POLR1A: variants seen among roughly 807,000 people sequenced by gnomAD.
POLR1A encodes RNA polymerase I subunit A.
Under a neutral mutation model 205.3 loss-of-function variants are expected in POLR1A, and 84 were observed. That is an observed-to-expected ratio of 0.41 (90% CI 0.34 to 0.49). The LOEUF (loss-of-function observed/expected upper bound fraction) is 0.49, where lower values mean the gene tolerates loss of function less well. Among genes scored for constraint, POLR1A ranks in the 20% least tolerant of loss-of-function variants. The probability of loss-of-function intolerance (pLI) is 0.22; values close to 1 mark genes in which losing one functional copy is unlikely to be tolerated. For synonymous variants in POLR1A, 799 were observed against 863.7 expected (o/e 0.93, Z 1.31); for missense variants, 1,645 against 2,204.5 (o/e 0.75, Z 5.08).
chr2:86,091,448 A>G (rs1474115311), intron 3 of POLR1A, among the ~76,000 whole-genome samples: 1 of 152,168 alleles, frequency 6.6e-6, no homozygotes, highest in Non-Finnish European at 1.5e-5. Context: ...AAGGTCAATG[A>G]CAGACAAACT....
intron 13 of POLR1A, chr2:86,065,721 T>G: frequency 1.2e-5 from 5 of 409,692 alleles, no homozygotes; most frequent in East Asian, 4.3e-5. Flanking sequence ...ACTCATCCCG[T>G]TCCCCCGGCC....
intron 6 of POLR1A, among the ~76,000 whole-genome samples, chr2:86,088,208 T>C (rs1158571090): frequency 6.6e-6 from 1 of 152,128 alleles, no homozygotes; most frequent in Non-Finnish European, 1.5e-5. Context: ...TTCGCCTACA[T>C]TTTATTCCAA....
chr2:86,094,881 G>A (rs992486357), intron 3 of POLR1A, among the ~76,000 whole-genome samples: 1 of 152,044 alleles, frequency 6.6e-6, no homozygotes, highest in African/African-American at 2.4e-5. Flanking sequence ...TTGGGCTCAA[G>A]CTCCACATGA....
Position 86,028,454 on chromosome 2 carries a change from A to G in POLR1A, c.4897+140T>C, listed in dbSNP as rs935111626. On this transcript the variant is annotated intron_variant, in intron 32 of 33. Transcript: ENST00000263857. This position sits in a 1 kb window ranked among gnomAD's most constrained non-coding sequence, Gnocchi z 4.5. ...TCTGCAGTCTCCTACAGGTGCACTC[A>G]CTGCACGCATGCTGCAGTGCCTGCC... 2.6e-5 allele frequency: 18 copies of G among 700,196 alleles called. No individual in the cohort carries two copies. In the African/African-American group the frequency reaches 3.0e-4, roughly 12 times the overall value. The allele number at this position is 700,196 out of a possible 1,614,324, so 43.4% of individuals were successfully genotyped here. A position where few individuals can be genotyped will look rare whatever the true frequency, so the allele number is the denominator to read the frequency against.
chr2:86,071,228 A>G (rs2577766), intron 12 of POLR1A, among the ~76,000 whole-genome samples: 3,083 of 43,598 alleles, frequency 0.071, 63 homozygotes, highest in East Asian at 0.17. Context: ...CTCCGTGTGC[A>G]TGTGTGTGTG....
chr2:86,053,456 T>C (rs1457340328), intron 15 of POLR1A, among the ~76,000 whole-genome samples: 1 of 152,212 alleles, frequency 6.6e-6, no homozygotes, highest in Non-Finnish European at 1.5e-5. Context: ...CTTCCTCCCT[T>C]GAACCCTGGG....
chr2:86,030,490 T>C, intron 30 of POLR1A, 94 bp from the exon 31 acceptor site: 1 of 894,416 alleles, frequency 1.1e-6, no homozygotes, highest in South Asian at 1.5e-5. Context: ...TTTCAGGAAC[T>C]CCCTGGCTGG....
In POLR1A at chr2:86,028,192, C is replaced by CGGTTAA. The variant is rs1672306131; in HGVS notation, c.4898-144_4898-143insTTAACC. 1.3e-6 allele frequency: 1 copy of CGGTTAA among 754,200 alleles called. No homozygotes were observed. The highest frequency in any genetic ancestry group is 2.3e-6 in the Non-Finnish European group (1 of 435,942). 46.7% of individuals were successfully genotyped at this position (754,200 alleles called of 1,614,324 possible). On this transcript the variant is annotated intron_variant, in intron 32 of 33. Coordinates refer to ENST00000263857, the MANE Select transcript of POLR1A (RefSeq NM_015425.6). This position sits in a 1 kb window ranked among gnomAD's most constrained non-coding sequence, Gnocchi z 4.5. ...CCCCTTCAGCTCCGCCACCTGCTCA[C>CGGTTAA]GCTACTTAACCCTTCCCCGTGGTCT...
At chr2:86,098,543 A>C (rs1673750606) in intron 3 of POLR1A, 68 bp downstream of exon 3, 8 of 1,508,600 alleles carry the variant, frequency 5.3e-6, no homozygotes, top group Non-Finnish European at 7.3e-6. Flanking sequence ...AGGACAACAT[A>C]CAAGCATCTC....
Position 86,088,880 on chromosome 2 carries a change from TA to T in POLR1A, c.541-11del, listed in dbSNP as rs1558784248. 3 of 1,600,152 alleles carry T rather than the reference TA, an allele frequency of 1.9e-6. No individual in the cohort carries two copies. Among genetic ancestry groups the T allele is most frequent in the Non-Finnish European group, 2.6e-6 (3 of 1,171,126 alleles). ...CACACACGTTCTTTACCTGTTTTTT[TA>T]AAAAAAGTCAGAGAACCTTGGAGTG... On this transcript the variant is annotated splice_polypyrimidine_tract_variant and intron_variant, in intron 4 of 33. Coordinates refer to ENST00000263857, the MANE Select transcript of POLR1A (RefSeq NM_015425.6).
chr2:86,101,264 A>C (rs1673815949), intron 1 of POLR1A, among the ~76,000 whole-genome samples: 1 of 152,210 alleles, frequency 6.6e-6, no homozygotes, highest in African/African-American at 2.4e-5. Context: ...GAAGGCTGAA[A>C]CGAGAGTCCC....
chr2:86,032,091 C>T lies in POLR1A; in HGVS notation c.4272+181G>A, dbSNP rs950296613. On this transcript the variant is annotated intron_variant, in intron 29 of 33. Transcript: ENST00000263857. ...CCCTGGAGTGGACCTGTGCCAAATT[C>T]CCACCCTATGAACCCCATCTTCTCA... 3.3e-5 allele frequency among the ~76,000 whole-genome samples: 5 copies of T among 152,204 alleles called. No individual in the cohort carries two copies. In the South Asian group the frequency reaches 6.2e-4, roughly 19 times the overall value.
chr2:86,076,818 C>T (rs1673293712), intron 11 of POLR1A, among the ~76,000 whole-genome samples: 1 of 152,252 alleles, frequency 6.6e-6, no homozygotes, highest in Admixed American at 6.5e-5. Context: ...GGCCCCTGCC[C>T]TGTCCAGAGA....
At chr2:86,103,779 C>T (rs560947736) in intron 1 of POLR1A, among the ~76,000 whole-genome samples, 45 of 152,292 alleles carry the variant, frequency 3.0e-4, no homozygotes, top group Admixed American at 1.1e-3. Flanking sequence ...CAAAAAGTCA[C>T]TAAAGCACCA....
chr2:86,078,468 A>G (rs942000313), intron 9 of POLR1A, among the ~76,000 whole-genome samples, 184 bp from the exon 10 acceptor site: 1 of 152,252 alleles, frequency 6.6e-6, no homozygotes, highest in Non-Finnish European at 1.5e-5. Context: ...TGTCAATAAG[A>G]CATATCAGCA....
At chr2:86,067,815 T>C (rs1673108519) in intron 13 of POLR1A, among the ~76,000 whole-genome samples, 1 of 152,222 alleles carries the variant, frequency 6.6e-6, no homozygotes, top group Non-Finnish European at 1.5e-5. Flanking sequence ...ATTCCACTTC[T>C]TGGCATTTAC....
At chr2:86,062,328 C>T (rs903360751) in intron 14 of POLR1A, among the ~76,000 whole-genome samples, 2 of 152,002 alleles carry the variant, frequency 1.3e-5, no homozygotes, top group African/African-American at 4.8e-5. Flanking sequence ...TTATTTGGTA[C>T]AAAGGATTTG....
In POLR1A at chr2:86,047,150, C is replaced by T. The variant is rs549815945; in HGVS notation, c.2733+15G>A. 40 of 1,598,028 alleles carry T rather than the reference C, an allele frequency of 2.5e-5. No homozygotes were observed. Among genetic ancestry groups the T allele is most frequent in the Admixed American group, 8.3e-5 (5 of 59,926 alleles). On this transcript the variant is annotated intron_variant, in intron 19 of 33. Coordinates refer to ENST00000263857, the MANE Select transcript of POLR1A (RefSeq NM_015425.6). ...GCTGACACCTGTAAAGCTGCCAACC[C>T]GCCTCTGCACATACCTGCATCGTGT... is the stretch of plus-strand genomic sequence containing the variant.
In POLR1A at chr2:86,042,976, C is replaced by T; in HGVS notation, c.3355G>A (p.Glu1119Lys). The part of the protein sequence containing the change: ...NRNGRSPGTQ[E>K]MLRMWYELDE... Reference sequence around the variant, plus strand: ...AGGACACCACCTCCCTGCATCACCTCCTGAGTCCCAGGGCTGCGGCCATTG... The same window carrying T: ...AGGACACCACCTCCCTGCATCACCTTCTGAGTCCCAGGGCTGCGGCCATTG... Residue 1119 changes from glutamate to lysine, a missense_variant and splice_region_variant, in exon 23 of 34, where the codon GAG (glutamate) becomes AAG (lysine). Glu to Lys is a moderately conservative substitution (Grantham distance 56, BLOSUM62 1). This residue lies in a region of POLR1A where 201 missense variants were observed against 222.3 expected (regional missense o/e 0.90). Transcript: ENST00000263857. 1 of 1,611,778 alleles carries T rather than the reference C, an allele frequency of 6.2e-7. No individual in the cohort carries two copies. Among genetic ancestry groups the T allele is most frequent in the Non-Finnish European group, 8.5e-7 (1 of 1,177,980 alleles).
Sources: allele counts gnomAD v4.1 joint callset (sites outside exome capture counted in the v4.1 genomes callset), GRCh38; gene constraint gnomAD v4.1.1; regional missense constraint gnomAD v4.1.1; non-coding constraint Gnocchi (gnomAD v3.1); transcripts MANE v1.5; gene names NCBI Gene and HGNC (gene_info 2026-07-23, HGNC 2026-07-21).